SYCE2: variants seen among roughly 807,000 people sequenced by gnomAD.
SYCE2 encodes synaptonemal complex central element protein 2.
In SYCE2, 3 loss-of-function variants were observed where a neutral mutation model predicts 27.9. The ratio of observed to expected loss-of-function variants is 0.11; its 90% CI spans 0.05 to 0.28. The LOEUF (loss-of-function observed/expected upper bound fraction) is 0.28, where lower values mean the gene tolerates loss of function less well. SYCE2 is among the 10% of genes least tolerant of loss of function. SYCE2 has a pLI of 1.00. For missense variants in SYCE2, 207 were observed against 263.5 expected (o/e 0.79, Z 1.48); for synonymous variants, 85 against 100.7 (o/e 0.84, Z 0.93).
intron 2 of SYCE2, among the ~76,000 whole-genome samples, chr19:12,913,075 A>G (rs983969288): frequency 2.0e-5 from 3 of 152,210 alleles, no homozygotes; most frequent in Non-Finnish European, 4.4e-5. Flanking sequence ...CCCTGGACCG[A>G]GGCCAGAGAA....
At chr19:12,905,760 C>A (rs1013942046) in intron 2 of SYCE2, among the ~76,000 whole-genome samples, 4 of 152,190 alleles carry the variant, frequency 2.6e-5, no homozygotes, top group African/African-American at 9.6e-5. Context: ...ACCTCAGCCT[C>A]CTGAATAGGT....
intron 2 of SYCE2, among the ~76,000 whole-genome samples, chr19:12,916,457 G>C (rs1219517018): frequency 6.6e-6 from 1 of 152,118 alleles, no homozygotes; most frequent in Admixed American, 6.6e-5. Flanking sequence ...CTGCGTGGAA[G>C]GTTTGGGCCC....
At chr19:12,903,675 A>G (rs56349703) in intron 3 of SYCE2, among the ~76,000 whole-genome samples, 58,381 of 151,222 alleles carry the variant, frequency 0.39, 11,721 homozygotes, top group African/African-American at 0.46. Context: ...GTGAGCCACC[A>G]CACCTGGCCC....
At position 12,899,904 on chromosome 19, in the gene SYCE2, G is replaced by A. The variant is rs181721308; in HGVS notation, c.612+100C>T. 3 of 1,606,500 alleles carry A rather than the reference G, an allele frequency of 1.9e-6. No individual in the cohort carries two copies. In the Admixed American group the frequency reaches 5.1e-5, roughly 27 times the overall value. On this transcript the variant is annotated intron_variant, in intron 5 of 5. Coordinates refer to ENST00000293695, the MANE Select transcript of SYCE2 (RefSeq NM_001105578.2). ...GCGCCCTCCCTCCCTCCCATCTGGG[G>A]GTAGTGCCTTATGCTGGGTGTTGGA...
At chr19:12,905,198 C>T (rs1159735836) in intron 2 of SYCE2, among the ~76,000 whole-genome samples, 24 of 152,088 alleles carry the variant, frequency 1.6e-4, no homozygotes, top group Admixed American at 1.6e-3. Flanking sequence ...GCTGAGAAAA[C>T]AGACCAAGAG....
At chr19:12,915,475 G>T (rs1344093225) in intron 2 of SYCE2, among the ~76,000 whole-genome samples, 5 of 151,796 alleles carry the variant, frequency 3.3e-5, no homozygotes, top group African/African-American at 9.7e-5. Flanking sequence ...GGTGGCACAT[G>T]CTTGTAGTCC....
At chr19:12,915,594 T>C (rs1599643004) in intron 2 of SYCE2, among the ~76,000 whole-genome samples, 1 of 115,480 alleles carries the variant, frequency 8.7e-6, no homozygotes, top group Admixed American at 1.0e-4. Context: ...AGAGCGAGAC[T>C]CCATCTCAAA....
At position 12,900,619 on chromosome 19, in the gene SYCE2, C is replaced by T. The variant is rs745663735; in HGVS notation, c.336G>A (p.Glu112=). Residue 112 remains glutamate (E), a synonymous_variant, in exon 4 of 6, where the codon GAG becomes GAA. Transcript: ENST00000293695. The stretch of plus-strand genomic sequence containing the variant: ...GGTCATTATAAATCTGATAGATCCT[C>T]TCCTCTAATTTCTCTGTCAGATCCG... ...KVSDLTEKLE[E]RIYQIYNDHN... is the part of the protein sequence containing the mutation. The T allele has an allele frequency of 3.7e-6, 6 of 1,613,908 alleles. No homozygotes were observed. In the African/African-American group the frequency reaches 4.0e-5, roughly 11 times the overall value.
chr19:12,913,474 C>T (rs558682715), intron 2 of SYCE2, among the ~76,000 whole-genome samples: 5 of 152,284 alleles, frequency 3.3e-5, no homozygotes, highest in Admixed American at 6.5e-5. Context: ...GCTAATCAAA[C>T]ATTCAAGGGG....
chr19:12,902,847 C>G (rs147298959), intron 3 of SYCE2, among the ~76,000 whole-genome samples: 1 of 151,866 alleles, frequency 6.6e-6, no homozygotes, highest in East Asian at 1.9e-4. Flanking sequence ...GTCAATCTGT[C>G]ATCAAGACAC....
intron 2 of SYCE2, among the ~76,000 whole-genome samples, chr19:12,908,861 CT>C (rs1242148936): frequency 2.6e-5 from 4 of 152,182 alleles, no homozygotes; most frequent in Admixed American, 2.6e-4. Context: ...CTGCTGTCTT[CT>C]TGCCAGACAC....
chr19:12,900,903 G>A (rs550628195), intron 3 of SYCE2, among the ~76,000 whole-genome samples: 1 of 152,246 alleles, frequency 6.6e-6, no homozygotes, highest in Non-Finnish European at 1.5e-5. Context: ...AGCTAGGACG[G>A]GTGTGGTGGC....
At chr19:12,909,031 C>G (rs1177855979) in intron 2 of SYCE2, among the ~76,000 whole-genome samples, 1 of 152,194 alleles carries the variant, frequency 6.6e-6, no homozygotes, top group Non-Finnish European at 1.5e-5. Flanking sequence ...CCCTTTCCCA[C>G]CTACGTCCTG....
intron 3 of SYCE2, among the ~76,000 whole-genome samples, chr19:12,904,156 G>A (rs923472472): frequency 6.6e-6 from 1 of 152,164 alleles, no homozygotes; most frequent in African/African-American, 2.4e-5. Context: ...CCAACGCCCC[G>A]CTCCCTCAGC....
chr19:12,910,961 G>A (rs1971036106), intron 2 of SYCE2, among the ~76,000 whole-genome samples: 1 of 152,094 alleles, frequency 6.6e-6, no homozygotes, highest in South Asian at 2.1e-4. Context: ...ACAGGCGTGA[G>A]CCACCGCACC....
At chr19:12,899,728 A>G (rs772188818) in intron 5 of SYCE2, 15 of 1,612,134 alleles carry the variant, frequency 9.3e-6, no homozygotes, top group Admixed American at 1.7e-5. Context: ...TAAAAAGAAG[A>G]TGGAATTCTC....
intron 2 of SYCE2, among the ~76,000 whole-genome samples, chr19:12,905,013 AAAG>A (rs1970907133): frequency 6.6e-6 from 1 of 151,732 alleles, no homozygotes; most frequent in African/African-American, 2.4e-5. Flanking sequence ...AAAAAAAAAA[AAAG>A]GACAGGATGC....
intron 2 of SYCE2, among the ~76,000 whole-genome samples, chr19:12,905,908 G>A (rs1568435206): frequency 6.6e-6 from 1 of 152,148 alleles, no homozygotes; most frequent in South Asian, 2.1e-4. Context: ...GAGCCACTGC[G>A]CCTGACTGAT....
In SYCE2 at chr19:12,899,858, C is replaced by G. The variant is rs559071319; in HGVS notation, c.612+146G>C. 6.7e-5 allele frequency: 106 copies of G among 1,581,530 alleles called. No individual in the cohort carries two copies. In the East Asian group the frequency reaches 2.1e-3, roughly 32 times the overall value. On this transcript the variant is annotated intron_variant, in intron 5 of 5. Coordinates refer to ENST00000293695, the MANE Select transcript of SYCE2 (RefSeq NM_001105578.2). Reference sequence around the variant, plus strand: ...GCAACTCCGTCTGCTGCAGCTGACCCCCTCACACTGAGTTCACAGTGCGCC... The same window carrying G: ...GCAACTCCGTCTGCTGCAGCTGACCGCCTCACACTGAGTTCACAGTGCGCC...
Sources: allele counts gnomAD v4.1 joint callset (sites outside exome capture counted in the v4.1 genomes callset), GRCh38; gene constraint gnomAD v4.1.1; transcripts MANE v1.5; gene names NCBI Gene and HGNC (gene_info 2026-07-23, HGNC 2026-07-21).